Variants in IPO11 observed in about 807,000 individuals in gnomAD.
IPO11 encodes importin 11.
Under a neutral mutation model 143.2 loss-of-function variants are expected in IPO11, and 66 were observed. That is an observed-to-expected ratio of 0.46 (90% CI 0.38 to 0.57). The LOEUF (loss-of-function observed/expected upper bound fraction) is 0.57. IPO11 is among the 20% of genes least tolerant of loss of function. IPO11 has a pLI of 0.00. For synonymous variants in IPO11, 385 were observed against 377.8 expected, an observed-to-expected ratio of 1.02 and a Z score of -0.22; for missense variants, 1,026 against 1,141.0, an observed-to-expected ratio of 0.90 and a Z score of 1.45.
intron 26 of IPO11, among the ~76,000 whole-genome samples, chr5:62,552,403 GATAA>G (rs1246389486): frequency 4.6e-5 from 7 of 150,752 alleles, no homozygotes; most frequent in Admixed American, 2.0e-4. Flanking sequence ...CCCTTGTTTT[GATAA>G]ATAAATAGGG....
intron 22 of IPO11, among the ~76,000 whole-genome samples, chr5:62,531,426 G>A (rs1430860322): frequency 6.6e-6 from 1 of 152,068 alleles, no homozygotes; most frequent in African/African-American, 2.4e-5. Context: ...AACCTCCCAG[G>A]TTCAAACTGT....
chr5:62,579,803 G>A (rs1439025161), intron 27 of IPO11: 8 of 1,544,384 alleles, frequency 5.2e-6, no homozygotes, highest in African/African-American at 1.4e-5. Context: ...TTCATCAAAC[G>A]CTTAGATCCT....
In IPO11 at chr5:62,470,633, A is replaced by G. The variant is rs982656732; in HGVS notation, c.708+325A>G. ...CCAGGTACATTGTAAATAGTTTTTT[A>G]TATACTTAATATTTTCCTTTGTTTT... On this transcript the variant is annotated intron_variant, in intron 7 of 29. Coordinates refer to ENST00000325324, the MANE Select transcript of IPO11 (RefSeq NM_016338.5). Among the ~76,000 whole-genome samples the G allele has an allele frequency of 2.0e-5, 3 of 151,950 alleles. No individual in the cohort carries two copies. The South Asian group carries it at 6.2e-4, about 31-fold the overall frequency.
At chr5:62,468,424 C>A (rs1406720390) in intron 6 of IPO11, among the ~76,000 whole-genome samples, 1 of 152,104 alleles carries the variant, frequency 6.6e-6, no homozygotes, top group East Asian at 1.9e-4. Context: ...TTTTGTGAAA[C>A]CTGTGAAGAA....
chr5:62,554,620 A>G (rs193126847), intron 26 of IPO11, among the ~76,000 whole-genome samples: 19 of 146,486 alleles, frequency 1.3e-4, no homozygotes, highest in South Asian at 4.2e-4. Flanking sequence ...TCTCTGTTCT[A>G]TTGGTCTGTG....
intron 27 of IPO11, among the ~76,000 whole-genome samples, chr5:62,584,658 A>C (rs748638057): frequency 4.0e-5 from 6 of 149,420 alleles, no homozygotes; most frequent in Non-Finnish European, 8.9e-5. Flanking sequence ...AGCAGGTCAC[A>C]GCAATAGTAA....
intron 28 of IPO11, among the ~76,000 whole-genome samples, chr5:62,598,382 TGC>T (rs1491270322): frequency 0.22 from 1,341 of 6,210 alleles, 279 homozygotes; most frequent in African/African-American, 0.38. Context: ...ATTGTTTGCT[TGC>T]TTGCTTGCTT....
intron 16 of IPO11, among the ~76,000 whole-genome samples, chr5:62,499,569 CTTTTTTTTTTT>C (rs35545041): frequency 5.0e-5 from 5 of 100,104 alleles, no homozygotes; most frequent in Non-Finnish European, 9.5e-5. Flanking sequence ...CTTACTCTAA[CTTTTTTTTTTT>C]TTTTTTTTTT....
At position 62,617,929 on chromosome 5, in the gene IPO11, T is replaced by C. The variant is rs536797623; in HGVS notation, c.2764-9225T>C. ...ATAAACTGATGCTAAGGATAGCCTA[T>C]GGTAGTCTTGTGAGCCTATGTTTAG... On this transcript the variant is annotated intron_variant, in intron 29 of 29. Coordinates refer to ENST00000325324, the MANE Select transcript of IPO11 (RefSeq NM_016338.5). 4.6e-5 allele frequency among the ~76,000 whole-genome samples: 7 copies of C among 152,282 alleles called. No individual in the cohort carries two copies. In the South Asian group the frequency reaches 1.5e-3, roughly 32 times the overall value.
intron 1 of IPO11, among the ~76,000 whole-genome samples, chr5:62,426,104 C>A (rs753093158): frequency 1.2e-4 from 18 of 151,982 alleles, no homozygotes; most frequent in Non-Finnish European, 2.5e-4. Flanking sequence ...TGTTGCTTAC[C>A]GGCTGGTCGT....
intron 24 of IPO11, among the ~76,000 whole-genome samples, chr5:62,546,648 A>G (rs1743203545): frequency 6.6e-6 from 1 of 152,146 alleles, no homozygotes; most frequent in South Asian, 2.1e-4. Context: ...TCGAAAGGGA[A>G]TGGGTTTAAA....
Position 62,440,368 on chromosome 5 carries a change from T to A in IPO11, c.139-2615T>A, listed in dbSNP as rs61484789. Among the ~76,000 whole-genome samples, 1,326 of 147,936 alleles carry A rather than the reference T, an allele frequency of 9.0e-3. 29 individuals carry two copies. Among genetic ancestry groups the A allele is most frequent in the African/African-American group, 0.031 (1,211 of 39,058 alleles). On this transcript the variant is annotated intron_variant, in intron 2 of 29. Transcript: ENST00000325324. ...CGTCCCCTTTTTTTTTTTTTTTTTT[T>A]ATCTGAGGTGGAGTCTCGCTGTGTT...
intron 2 of IPO11, among the ~76,000 whole-genome samples, 159 bp from the exon 3 acceptor site, chr5:62,442,824 A>G (rs1438974445): frequency 6.6e-6 from 1 of 152,116 alleles, no homozygotes; most frequent in Non-Finnish European, 1.5e-5. Flanking sequence ...AAATCGTGTC[A>G]TTGCACTCCA....
At chr5:62,513,884 C>T (rs1403894929) in intron 19 of IPO11, among the ~76,000 whole-genome samples, 10 of 147,704 alleles carry the variant, frequency 6.8e-5, no homozygotes, top group East Asian at 4.1e-4. Context: ...ACGGGGCGGC[C>T]GGGCAGAGAC....
At chr5:62,419,845 T>C (rs557092018) in intron 1 of IPO11, among the ~76,000 whole-genome samples, 5 of 151,864 alleles carry the variant, frequency 3.3e-5, no homozygotes, top group Non-Finnish European at 7.4e-5. Context: ...AGTAAAAAAA[T>C]TAGCATGGCA....
intron 14 of IPO11, 128 bp from the exon 15 acceptor site, chr5:62,489,987 A>G: frequency 2.3e-6 from 1 of 441,378 alleles, no homozygotes. Flanking sequence ...TACTTAAATT[A>G]TTTCTACTTA....
At chr5:62,541,295 C>T (rs563461171) in intron 24 of IPO11, among the ~76,000 whole-genome samples, 7 of 151,460 alleles carry the variant, frequency 4.6e-5, no homozygotes, top group African/African-American at 1.7e-4. Context: ...CGCTTGAACC[C>T]GGGAGGCAGA....
chr5:62,413,334 C>T (rs1271249181), intron 1 of IPO11: 5 of 152,192 alleles, frequency 3.3e-5, no homozygotes, highest in Non-Finnish European at 7.3e-5. Flanking sequence ...GCGCACGCGA[C>T]CTTGTTGCTA....
At chr5:62,571,132 C>T (rs1744119145) in intron 27 of IPO11, among the ~76,000 whole-genome samples, 1 of 152,200 alleles carries the variant, frequency 6.6e-6, no homozygotes, top group Non-Finnish European at 1.5e-5. Flanking sequence ...GTGGTTCCTT[C>T]ATAGCTCGAG....
Sources: allele counts gnomAD v4.1 joint callset (sites outside exome capture counted in the v4.1 genomes callset), GRCh38; gene constraint gnomAD v4.1.1; transcripts MANE v1.5; gene names NCBI Gene and HGNC (gene_info 2026-07-23, HGNC 2026-07-21).